DSCAM: variants seen among roughly 807,000 people sequenced by gnomAD.
DSCAM encodes cell adhesion molecule DSCAM.
Under a neutral mutation model 217.7 loss-of-function variants are expected in DSCAM, and 47 were observed. That is an observed-to-expected ratio of 0.22 (90% CI 0.17 to 0.28). The LOEUF is 0.28. Ranked by LOEUF, DSCAM falls within the 10% of genes least tolerant of loss-of-function variation. The pLI, the probability that DSCAM is intolerant of heterozygous loss-of-function variation, is 1.00. For missense variants in DSCAM, 2,080 were observed against 2,618.3 expected, an observed-to-expected ratio of 0.79 and a Z score of 4.49; for synonymous variants, 1,056 against 1,015.3, an observed-to-expected ratio of 1.04 and a Z score of -0.76.
intron 3 of DSCAM, among the ~76,000 whole-genome samples, chr21:40,549,119 C>T (rs548908008): frequency 6.6e-6 from 1 of 152,158 alleles, no homozygotes; most frequent in Admixed American, 6.5e-5. Flanking sequence ...GCGTGAGGAT[C>T]ACCTGAGCCT....
At chr21:40,545,774 A>AG in intron 3 of DSCAM, among the ~76,000 whole-genome samples, 1 of 152,182 alleles carries the variant, frequency 6.6e-6, no homozygotes, top group Non-Finnish European at 1.5e-5. Flanking sequence ...TTACTGAATG[A>AG]GGGGAGAACA....
chr21:40,364,705 T>C (rs1601589107), intron 4 of DSCAM, among the ~76,000 whole-genome samples: 2 of 147,910 alleles, frequency 1.4e-5, no homozygotes, highest in African/African-American at 4.9e-5. Flanking sequence ...TATATATATA[T>C]ATACACACAC....
At chr21:40,372,821 A>G (rs941075293) in intron 3 of DSCAM, among the ~76,000 whole-genome samples, 2 of 152,230 alleles carry the variant, frequency 1.3e-5, no homozygotes, top group Non-Finnish European at 2.9e-5. Flanking sequence ...ATAGGTTATG[A>G]GCAAGTAACA....
At chr21:40,705,036 A>T (rs967650951) in intron 2 of DSCAM, among the ~76,000 whole-genome samples, 4 of 152,228 alleles carry the variant, frequency 2.6e-5, no homozygotes, top group Non-Finnish European at 5.9e-5. Context: ...AGAGTGATCA[A>T]GTATCAAGAG....
chr21:40,705,021 T>A (rs1011708280), intron 2 of DSCAM, among the ~76,000 whole-genome samples: 3 of 152,134 alleles, frequency 2.0e-5, no homozygotes, highest in African/African-American at 2.4e-5. Context: ...CTTGATCAGA[T>A]ATTAAGAGTG....
At chr21:40,506,175 T>A (rs1243913758) in intron 3 of DSCAM, among the ~76,000 whole-genome samples, 1 of 152,240 alleles carries the variant, frequency 6.6e-6, no homozygotes, top group Non-Finnish European at 1.5e-5. Flanking sequence ...ATCTCAAAGA[T>A]GAATGAGCAT....
chr21:40,840,601 G>C (rs2092092660), intron 1 of DSCAM, among the ~76,000 whole-genome samples: 1 of 152,282 alleles, frequency 6.6e-6, no homozygotes, highest in Non-Finnish European at 1.5e-5. Flanking sequence ...TTGTGCAACA[G>C]TGATGAAGTC....
At chr21:40,440,295 G>C (rs1057027391) in intron 3 of DSCAM, among the ~76,000 whole-genome samples, 4 of 152,234 alleles carry the variant, frequency 2.6e-5, no homozygotes, top group Admixed American at 2.6e-4. Context: ...GCTCAGGCCT[G>C]AGTCTTGGCT....
At chr21:40,637,144 T>TATAAATATAAATATAA (rs2089775296) in intron 3 of DSCAM, among the ~76,000 whole-genome samples, 1 of 35,950 alleles carries the variant, frequency 2.8e-5, no homozygotes, top group African/African-American at 1.1e-4. Context: ...TATAAATATA[T>TATAAATATAAATATAA]ATATAAATAT....
At chr21:40,298,931 C>T (rs1483756684) in intron 9 of DSCAM, among the ~76,000 whole-genome samples, 5 of 152,134 alleles carry the variant, frequency 3.3e-5, no homozygotes, top group Middle Eastern at 3.4e-3. Flanking sequence ...CATAGAAATA[C>T]GGTAAGTATA....
At chr21:40,256,004 A>G (rs1298471628) in intron 11 of DSCAM, among the ~76,000 whole-genome samples, 2 of 152,228 alleles carry the variant, frequency 1.3e-5, no homozygotes, top group East Asian at 1.9e-4. Context: ...AAAACTCTGG[A>G]TAATAAAAGG....
At chr21:40,236,058 T>A (rs1481630924) in intron 11 of DSCAM, among the ~76,000 whole-genome samples, 3 of 152,218 alleles carry the variant, frequency 2.0e-5, no homozygotes, top group Non-Finnish European at 4.4e-5. Flanking sequence ...CTCTGTACAC[T>A]TGCTTCCATC....
chr21:40,661,378 TG>T (rs1568969381), intron 3 of DSCAM, among the ~76,000 whole-genome samples: 1 of 152,230 alleles, frequency 6.6e-6, no homozygotes, highest in African/African-American at 2.4e-5. Context: ...ACCTGGTTTT[TG>T]TTTTCTTTCG....
intron 9 of DSCAM, among the ~76,000 whole-genome samples, chr21:40,302,116 G>C (rs979868929): frequency 1.3e-5 from 2 of 152,140 alleles, no homozygotes; most frequent in Admixed American, 6.5e-5. Context: ...CCTTTTATTA[G>C]TATAACACAT....
At chr21:40,142,466 C>T (rs886070815) in intron 18 of DSCAM, 92 bp downstream of exon 18, 2 of 1,453,588 alleles carry the variant, frequency 1.4e-6, no homozygotes, top group Non-Finnish European at 1.9e-6. Flanking sequence ...CCCGCCATAT[C>T]CTGAGCCCCT....
chr21:40,075,491 G>T (rs966327897), intron 26 of DSCAM, among the ~76,000 whole-genome samples: 3 of 152,168 alleles, frequency 2.0e-5, no homozygotes, highest in African/African-American at 7.2e-5. Context: ...TGAGGCCCAG[G>T]CTTGGTGCTG....
At chr21:40,362,041 C>A (rs906864435) in intron 4 of DSCAM, among the ~76,000 whole-genome samples, 1 of 152,026 alleles carries the variant, frequency 6.6e-6, no homozygotes. Context: ...TTTGTCCTTG[C>A]GATAGTTTAC....
chr21:40,730,934 TG>T (rs2091005123), intron 1 of DSCAM, among the ~76,000 whole-genome samples: 1 of 152,240 alleles, frequency 6.6e-6, no homozygotes, highest in Admixed American at 6.5e-5. Flanking sequence ...AGTAAACCTA[TG>T]ACCCCAAGTC....
chr21:40,056,556 TC>T (rs929183459), intron 28 of DSCAM, among the ~76,000 whole-genome samples: 1 of 151,666 alleles, frequency 6.6e-6, no homozygotes, highest in Non-Finnish European at 1.5e-5. Flanking sequence ...AAAAAAAAAC[TC>T]CACGTTGCAC....
Sources: allele counts gnomAD v4.1 joint callset (sites outside exome capture counted in the v4.1 genomes callset), GRCh38; gene constraint gnomAD v4.1.1; transcripts MANE v1.5; gene names NCBI Gene and HGNC (gene_info 2026-07-23, HGNC 2026-07-21).